CACNA1B: variants seen among roughly 807,000 people sequenced by gnomAD.
CACNA1B encodes calcium voltage-gated channel subunit alpha1 B.
CACNA1B carries 70 observed loss-of-function variants against 247.2 expected under a neutral mutation model. That is an observed-to-expected ratio of 0.28 (90% CI 0.23 to 0.35). CACNA1B has a LOEUF of 0.35. CACNA1B is among the 10% of genes least tolerant of loss of function. The probability of loss-of-function intolerance (pLI) is 1.00; values close to 1 mark genes in which losing one functional copy is unlikely to be tolerated. For synonymous variants in CACNA1B, 1,231 were observed against 1,294.4 expected, an observed-to-expected ratio of 0.95 and a Z score of 1.05; for missense variants, 2,367 against 3,197.4, an observed-to-expected ratio of 0.74 and a Z score of 6.26.
intron 3 of CACNA1B, among the ~76,000 whole-genome samples, chr9:137,910,593 G>A (rs1487159566): frequency 6.6e-6 from 1 of 152,138 alleles, no homozygotes; most frequent in East Asian, 1.9e-4. Flanking sequence ...CCTGCAACTA[G>A]ACGGTCCCAT....
chr9:137,915,727 C>T (rs1006101130), intron 5 of CACNA1B, among the ~76,000 whole-genome samples: 12 of 152,048 alleles, frequency 7.9e-5, no homozygotes, highest in Admixed American at 7.9e-4. Flanking sequence ...GCCTTGAGAG[C>T]TTTCCCTTTA....
At chr9:137,915,594 T>G (rs1047544042) in intron 5 of CACNA1B, among the ~76,000 whole-genome samples, 2 of 152,004 alleles carry the variant, frequency 1.3e-5, no homozygotes, top group Non-Finnish European at 2.9e-5. Context: ...AGAAAAAGGT[T>G]TTACTAGAAT....
intron 6 of CACNA1B, among the ~76,000 whole-genome samples, chr9:137,939,794 C>T (rs1044608971): frequency 2.0e-5 from 3 of 148,958 alleles, no homozygotes; most frequent in Admixed American, 2.0e-4. Flanking sequence ...CTGAGCAAGA[C>T]TCCGTCTCAA....
chr9:137,975,591 G>A (rs934565949), intron 11 of CACNA1B, among the ~76,000 whole-genome samples: 5 of 152,184 alleles, frequency 3.3e-5, no homozygotes, highest in Non-Finnish European at 7.4e-5. Context: ...CCTCTGGTGA[G>A]GAGGGGGCAC....
At chr9:137,916,831 G>T (rs981443391) in intron 5 of CACNA1B, among the ~76,000 whole-genome samples, 9 of 141,230 alleles carry the variant, frequency 6.4e-5, no homozygotes, top group African/African-American at 2.3e-4. Flanking sequence ...TGGTTTGGCT[G>T]TGAGGGAGGC....
chr9:138,042,962 G>A (rs536732192), intron 20 of CACNA1B, among the ~76,000 whole-genome samples: 37 of 152,140 alleles, frequency 2.4e-4, no homozygotes, highest in Non-Finnish European at 4.7e-4. Context: ...GTCACTGCAC[G>A]TCTTCCTTGG....
intron 36 of CACNA1B, among the ~76,000 whole-genome samples, chr9:138,085,704 A>G (rs1172927299): frequency 6.6e-6 from 1 of 151,456 alleles, no homozygotes. Context: ...CAGAAATTTT[A>G]TAGACCAGGA....
Position 138,052,155 on chromosome 9 carries a change from C to T in CACNA1B, c.3774C>T (p.Pro1258=). 2 of 1,612,154 alleles carry T rather than the reference C, an allele frequency of 1.2e-6. No homozygotes were observed. Among genetic ancestry groups the T allele is most frequent in the Non-Finnish European group, 1.7e-6 (2 of 1,178,806 alleles). Residue 1258 remains proline (P), a synonymous_variant, in exon 25 of 47, where the codon CCC becomes CCT. Transcript: ENST00000371372. This position sits in a 1 kb window ranked among gnomAD's most constrained non-coding sequence, Gnocchi z 5.1. The part of the protein sequence containing the change: ...KSLRVLRVLR[P]LKTIKRLPKL... ...TGAGAGTCCTTCGTGTCCTGCGGCC[C>T]CTCAAGACCATCAAACGGCTGCCCA...
Position 138,023,264 on chromosome 9 carries a change from GC to G in CACNA1B, c.2526del (p.Glu843ArgfsTer166). The G allele has an allele frequency of 6.6e-7, 1 of 1,514,166 alleles. No homozygotes were observed. Among genetic ancestry groups the G allele is most frequent in the Non-Finnish European group, 8.8e-7 (1 of 1,139,490 alleles). The allele number at this position is 1,514,166 out of a possible 1,614,324, so 93.8% of individuals were successfully genotyped here. A position where few individuals can be genotyped will look rare whatever the true frequency, so the allele number is the denominator to read the frequency against. Reference sequence around the variant, plus strand: ...CAAAGCCCGACCTGAGGCTGCGGAGGCCCCCGAGGGCGTCGACCCTCCGCGC... The same window carrying G: ...CAAAGCCCGACCTGAGGCTGCGGAGGCCCCGAGGGCGTCGACCCTCCGCGC... ...GGKARPEAAE[A>X]PEGVDPPRRH... On this transcript the variant is annotated frameshift_variant, in exon 19 of 47. Coordinates refer to ENST00000371372, the MANE Select transcript of CACNA1B (RefSeq NM_000718.4). LOFTEE classifies it high-confidence loss of function.
At chr9:138,021,199 G>A (rs950578802) in intron 18 of CACNA1B, among the ~76,000 whole-genome samples, 4 of 152,174 alleles carry the variant, frequency 2.6e-5, no homozygotes, top group African/African-American at 9.7e-5. Flanking sequence ...CAGTTGTAGG[G>A]CACCCCTGGG....
chr9:138,086,864 AT>A (rs1378597696), intron 36 of CACNA1B, among the ~76,000 whole-genome samples: 5 of 151,356 alleles, frequency 3.3e-5, no homozygotes, highest in Admixed American at 2.0e-4. Context: ...CATGGTACAC[AT>A]TAGCTGCTTC....
intron 6 of CACNA1B, among the ~76,000 whole-genome samples, chr9:137,920,709 C>T (rs1349331264): frequency 2.0e-5 from 3 of 152,190 alleles, no homozygotes; most frequent in Non-Finnish European, 4.4e-5. Flanking sequence ...TGCTTATGTT[C>T]ATTGTACTAG....
chr9:138,009,434 C>T (rs1409228710), intron 16 of CACNA1B, among the ~76,000 whole-genome samples: 3 of 152,216 alleles, frequency 2.0e-5, no homozygotes, highest in African/African-American at 4.8e-5. Flanking sequence ...GGGAAGGTAG[C>T]ACTAGGTGGC....
At chr9:137,980,854 T>G (rs1323315173) in intron 12 of CACNA1B, among the ~76,000 whole-genome samples, 1 of 152,238 alleles carries the variant, frequency 6.6e-6, no homozygotes, top group Non-Finnish European at 1.5e-5. Flanking sequence ...TTAATAGCTG[T>G]GCAGTCTTCC....
At chr9:138,000,185 G>A (rs890367398) in intron 15 of CACNA1B, among the ~76,000 whole-genome samples, 13 of 150,280 alleles carry the variant, frequency 8.7e-5, no homozygotes, top group Non-Finnish European at 1.6e-4. Flanking sequence ...TGCAAGCTCC[G>A]CCTCCCGGGT....
At chr9:138,005,968 G>T (rs1163852834) in intron 15 of CACNA1B, among the ~76,000 whole-genome samples, 1 of 150,828 alleles carries the variant, frequency 6.6e-6, no homozygotes, top group African/African-American at 2.4e-5. Context: ...GCGTGAACCT[G>T]GGAGACGGAG....
chr9:138,006,382 C>T (rs1182258854), intron 15 of CACNA1B, among the ~76,000 whole-genome samples: 1 of 152,164 alleles, frequency 6.6e-6, no homozygotes, highest in Non-Finnish European at 1.5e-5. Context: ...GCAGCCCAGT[C>T]CCCTGTGAAC....
rs376987861 is a variant in CACNA1B, at chr9:138,006,555, T to C, written c.1975-212T>C. On this transcript the variant is annotated intron_variant, in intron 15 of 46. Transcript: ENST00000371372. ...AGTATGTTAGTCTTTTAAGACCCAG[T>C]TCTGCAGCCATGTCCTTCTGGAAGC... 3.0e-4 allele frequency among the ~76,000 whole-genome samples: 46 copies of C among 152,366 alleles called. No individual in the cohort carries two copies. In the East Asian group the frequency reaches 8.5e-3, roughly 28 times the overall value.
intron 15 of CACNA1B, among the ~76,000 whole-genome samples, chr9:138,000,150 G>C (rs957778077): frequency 6.0e-5 from 9 of 150,130 alleles, no homozygotes; most frequent in Non-Finnish European, 8.9e-5. Context: ...CCAGGCTGGA[G>C]TGCAGTGGTG....
Sources: gnomAD v4.1 joint callset for allele counts (sites outside exome capture counted in the v4.1 genomes callset) on GRCh38, gnomAD v4.1.1 for gene constraint, Gnocchi (gnomAD v3.1) non-coding constraint, MANE v1.5 for transcripts, NCBI Gene and HGNC (gene_info 2026-07-23, HGNC 2026-07-21) for gene names.